The following TRIM2 variants were observed in gnomAD, a reference collection of about 807,000 sequenced individuals.
The protein encoded by TRIM2 is tripartite motif containing 2.
In TRIM2, 20 loss-of-function variants were observed where a neutral mutation model predicts 75.2. The ratio of observed to expected loss-of-function variants is 0.27; its 90% confidence interval spans 0.19 to 0.39. The LOEUF (loss-of-function observed/expected upper bound fraction) is 0.39. Among genes scored for constraint, TRIM2 ranks in the 10% least tolerant of loss-of-function variants. The pLI is 1.00. For synonymous variants in TRIM2, 373 were observed against 388.3 expected (o/e 0.96, Z 0.46); for missense variants, 660 against 990.8 (o/e 0.67, Z 4.48).
At chr4:153,220,528 T>TG (rs1739666406) in intron 1 of TRIM2, among the ~76,000 whole-genome samples, 1 of 152,064 alleles carries the variant, frequency 6.6e-6, no homozygotes, top group Non-Finnish European at 1.5e-5. Context: ...ACACATCTGA[T>TG]AAGGAACTCA....
chr4:153,201,263 C>T (rs1405881396), upstream of TRIM2, among the ~76,000 whole-genome samples: 2 of 152,178 alleles, frequency 1.3e-5, no homozygotes, highest in Non-Finnish European at 2.9e-5. Flanking sequence ...CGTGCCCAGC[C>T]TCATTGTGTT....
At position 153,295,771 on chromosome 4, in the gene TRIM2, C is replaced by A. The variant is rs1459764914; in HGVS notation, c.1245C>A (p.Thr415=). Residue 415 remains threonine, a synonymous_variant, in exon 6 of 12, where the codon ACC becomes ACA. Transcript: ENST00000338700. The surrounding 1 kb of genome is among the most constrained non-coding windows in gnomAD (Gnocchi z 7.2). The part of the protein sequence containing the change: ...DGEILDNKNG[T]YEFLYTVQKE... The stretch of plus-strand genomic sequence containing the variant: ...AGATCCTGGACAACAAGAACGGCAC[C>A]TATGAGTTTTTGTACACTGTCCAGA... The A allele has an allele frequency of 5.6e-6, 9 of 1,614,040 alleles. No individual in the cohort carries two copies. Among genetic ancestry groups the A allele is most frequent in the Non-Finnish European group, 7.6e-6 (9 of 1,179,982 alleles).
intron 6 of TRIM2, among the ~76,000 whole-genome samples, chr4:153,306,356 T>C (rs1764995557): frequency 6.6e-6 from 1 of 152,238 alleles, no homozygotes; most frequent in South Asian, 2.1e-4. Context: ...ACTGCTATTG[T>C]CATTATCATT....
intron 3 of TRIM2, among the ~76,000 whole-genome samples, chr4:153,277,414 C>T (rs1416863825): frequency 6.6e-6 from 1 of 152,188 alleles, no homozygotes; most frequent in African/African-American, 2.4e-5. Context: ...GTCTGCTTGC[C>T]ATCAGCTGTG....
chr4:153,304,442 G>C (rs1764576277), intron 6 of TRIM2, among the ~76,000 whole-genome samples: 2 of 151,986 alleles, frequency 1.3e-5, no homozygotes, highest in Non-Finnish European at 2.9e-5. Context: ...ATTTAAGCTG[G>C]GTTTGAAAGA....
intron 6 of TRIM2, 70 bp downstream of exon 6, chr4:153,296,106 T>G: frequency 6.7e-7 from 1 of 1,488,628 alleles, no homozygotes; most frequent in South Asian, 1.5e-5. Flanking sequence ...CACGTGTCAT[T>G]GCAAATAGCA....
chr4:153,203,187 A>G (rs1734615382), upstream of TRIM2, among the ~76,000 whole-genome samples: 2 of 152,006 alleles, frequency 1.3e-5, no homozygotes, highest in African/African-American at 4.8e-5. Flanking sequence ...CCTTCTTCCA[A>G]ATATACTGAA....
intron 8 of TRIM2, among the ~76,000 whole-genome samples, chr4:153,320,977 G>A (rs116369037): frequency 1.2e-4 from 19 of 152,260 alleles, no homozygotes; most frequent in East Asian, 1.2e-3. Flanking sequence ...CCTCCAACAC[G>A]TCAAGCCTGG....
rs367781440 is a variant in TRIM2, at chr4:153,230,419, C to T, written c.30+25859C>T. 5.3e-5 allele frequency among the ~76,000 whole-genome samples: 8 copies of T among 152,212 alleles called. No homozygotes were observed. The East Asian group carries it at 5.8e-4, about 11-fold the overall frequency. On this transcript the variant is annotated intron_variant, in intron 1 of 11. Transcript: ENST00000338700. Reference sequence around the variant, plus strand: ...CTGGTCTCCAACTCTTGGGCTCAAGCGATCTGCCTGCCTCCACCTCCCCAA... The same window carrying T: ...CTGGTCTCCAACTCTTGGGCTCAAGTGATCTGCCTGCCTCCACCTCCCCAA...
intron 1 of TRIM2, among the ~76,000 whole-genome samples, chr4:153,212,068 C>A (rs904161581): frequency 7.9e-5 from 12 of 152,098 alleles, no homozygotes; most frequent in African/African-American, 2.9e-4. Flanking sequence ...CATTTCCCAG[C>A]CTGTCAGAAT....
intron 1 of TRIM2, among the ~76,000 whole-genome samples, chr4:153,254,965 C>T (rs1751712370): frequency 6.6e-6 from 1 of 152,210 alleles, no homozygotes; most frequent in Non-Finnish European, 1.5e-5. Context: ...TCGCTGGTCC[C>T]ATGAACCATC....
chr4:153,185,511 A>G (rs1181292151), intron 1 of TRIM2, among the ~76,000 whole-genome samples: 2 of 152,060 alleles, frequency 1.3e-5, no homozygotes, highest in African/African-American at 4.8e-5. Context: ...GGGACTGCCA[A>G]TCTGTCATTT....
chr4:153,259,036 T>C (rs961753676), intron 1 of TRIM2, among the ~76,000 whole-genome samples: 2 of 152,238 alleles, frequency 1.3e-5, no homozygotes, highest in Admixed American at 1.3e-4. Context: ...CTTTAAGTGT[T>C]TCTGTCCAAT....
chr4:153,322,732 G>T lies in TRIM2; in HGVS notation c.1867G>T (p.Ala623Ser), dbSNP rs1452924822. 6.2e-7 allele frequency: 1 copy of T among 1,614,232 alleles called. No individual in the cohort carries two copies. The highest frequency in any genetic ancestry group is 8.5e-7 in the Non-Finnish European group (1 of 1,180,048). Residue 623 changes from alanine (A) to serine (S), a missense_variant, in exon 9 of 12, where the codon GCG becomes TCG. Ala to Ser is a moderately conservative substitution (Grantham distance 99). Coordinates refer to ENST00000338700, the MANE Select transcript of TRIM2 (RefSeq NM_015271.5). Reference sequence around the variant, plus strand: ...GCACATTATTGTTGTGGACAACAAGGCGTGCTGCGTGTTTATCTTCCAGCC... The same window carrying T: ...GCACATTATTGTTGTGGACAACAAGTCGTGCTGCGTGTTTATCTTCCAGCC... Reference protein sequence around the residue: ...NGHIIVVDNKACCVFIFQPNG... With the variant: ...NGHIIVVDNKSCCVFIFQPNG...
chr4:153,171,121 A>G (rs1240573028), intron 1 of TRIM2, among the ~76,000 whole-genome samples: 1 of 152,212 alleles, frequency 6.6e-6, no homozygotes, highest in Non-Finnish European at 1.5e-5. Context: ...AGTTCGTTGA[A>G]TCAGCATATC....
chr4:153,177,097 T>C (rs1037675244), intron 1 of TRIM2, among the ~76,000 whole-genome samples: 8 of 152,238 alleles, frequency 5.3e-5, no homozygotes, highest in African/African-American at 1.9e-4. Flanking sequence ...CCCCAGCAAC[T>C]GGCTTCCGCC....
Position 153,335,152 on chromosome 4 carries a change from T to C in TRIM2, c.*186T>C. ...TTATCCAATTTCTGTATTTCACCTT[T>C]AGGGTTAAAAAAAACTCTTCTACTG... On this transcript the variant is annotated 3_prime_UTR_variant, in exon 12 of 12. Transcript: ENST00000338700. 1 of 1,278,548 alleles carries C rather than the reference T, an allele frequency of 7.8e-7. No individual in the cohort carries two copies. The highest frequency in any genetic ancestry group is 9.9e-7 in the Non-Finnish European group (1 of 1,011,288). The allele number at this position is 1,278,548 out of a possible 1,614,324, so 79.2% of individuals were successfully genotyped here. A position where few individuals can be genotyped will look rare whatever the true frequency, so the allele number is the denominator to read the frequency against.
intron 1 of TRIM2, among the ~76,000 whole-genome samples, chr4:153,181,760 G>C (rs1732084432): frequency 6.6e-6 from 1 of 152,088 alleles, no homozygotes; most frequent in Non-Finnish European, 1.5e-5. Flanking sequence ...CAGGTGAAAG[G>C]CATCCCCTCT....
chr4:153,173,380 T>C lies in TRIM2; in HGVS notation c.-49+20110T>C, dbSNP rs117382542. ...ATTTAAATTTTCTTAAATTAAAAAA[T>C]AGACCAGACACAGTGGCTCACACCT... is the stretch of plus-strand genomic sequence containing the variant. On this transcript the variant is annotated intron_variant, in intron 1 of 11. Transcript: ENST00000437508. 1.5e-3 allele frequency among the ~76,000 whole-genome samples: 224 copies of C among 151,694 alleles called. 3 individuals are homozygous for C. In the East Asian group the frequency reaches 0.035, roughly 23 times the overall value.
Sources: gnomAD v4.1 joint callset for allele counts (sites outside exome capture counted in the v4.1 genomes callset) on GRCh38, gnomAD v4.1.1 for gene constraint, Gnocchi (gnomAD v3.1) non-coding constraint, MANE v1.5 for transcripts, NCBI Gene and HGNC (gene_info 2026-07-23, HGNC 2026-07-21) for gene names.